The following SLC24A2 variants were observed in gnomAD, a reference collection of about 807,000 sequenced individuals.
SLC24A2 encodes sodium/potassium/calcium exchanger 2.
Under a neutral mutation model 62.0 loss-of-function variants are expected in SLC24A2, and 36 were observed. The ratio of observed to expected loss-of-function variants is 0.58; its 90% CI spans 0.44 to 0.77. The LOEUF (loss-of-function observed/expected upper bound fraction) is 0.77. SLC24A2 is among the 30% of genes least tolerant of loss of function. The probability of loss-of-function intolerance (pLI) is 0.00; values close to 1 mark genes in which losing one functional copy is unlikely to be tolerated. For synonymous variants in SLC24A2, 358 were observed against 294.0 expected (o/e 1.22, Z -2.23); for missense variants, 846 against 817.9 (o/e 1.03, Z -0.42).
chr9:20,145,507 G>A, the SLC24A2 span, among the ~76,000 whole-genome samples: 1 of 151,940 alleles, frequency 6.6e-6, no homozygotes, highest in African/African-American at 2.4e-5. Context: ...TCCTAAGAAT[G>A]TAAGATTTTC....
At chr9:19,795,653 G>T in the SLC24A2 span, among the ~76,000 whole-genome samples, 5 of 151,842 alleles carry the variant, frequency 3.3e-5, no homozygotes, top group Non-Finnish European at 5.9e-5. Flanking sequence ...TGATTTTGAT[G>T]TTACCTACTA....
the SLC24A2 span, among the ~76,000 whole-genome samples, chr9:19,838,780 A>AC: frequency 6.6e-6 from 1 of 151,978 alleles, no homozygotes; most frequent in South Asian, 2.1e-4. Context: ...AAAAAAAAAA[A>AC]AAAACCCTAG....
chr9:20,001,574 G>A, the SLC24A2 span, among the ~76,000 whole-genome samples: 6 of 152,230 alleles, frequency 3.9e-5, no homozygotes, highest in Middle Eastern at 3.4e-3. Flanking sequence ...GAAAAAAGGC[G>A]TCTCAGTCCA....
intron 2 of SLC24A2, among the ~76,000 whole-genome samples, chr9:19,703,030 T>C (rs905415112): frequency 6.6e-6 from 1 of 152,136 alleles, no homozygotes; most frequent in Non-Finnish European, 1.5e-5. Context: ...TCTATACTGT[T>C]GTTGGGTAAA....
At chr9:20,055,945 T>A in the SLC24A2 span, among the ~76,000 whole-genome samples, 1 of 149,246 alleles carries the variant, frequency 6.7e-6, no homozygotes, top group African/African-American at 2.6e-5. Flanking sequence ...AAAGTTCATG[T>A]TCTTACCGCT....
At chr9:20,008,461 G>C in the SLC24A2 span, among the ~76,000 whole-genome samples, 1 of 152,088 alleles carries the variant, frequency 6.6e-6, no homozygotes, top group Admixed American at 6.6e-5. Context: ...ATTGCTGAAG[G>C]ATAACTGTAT....
At chr9:19,982,915 G>T in the SLC24A2 span, among the ~76,000 whole-genome samples, 1 of 152,010 alleles carries the variant, frequency 6.6e-6, no homozygotes, top group African/African-American at 2.4e-5. Context: ...TAGAATAAGA[G>T]AATAAAACTT....
At chr9:20,301,024 G>C in the SLC24A2 span, among the ~76,000 whole-genome samples, 2 of 152,080 alleles carry the variant, frequency 1.3e-5, no homozygotes, top group Non-Finnish European at 2.9e-5. Flanking sequence ...CCACAAGAAA[G>C]GTCTGGTGAT....
chr9:19,959,409 G>A, the SLC24A2 span, among the ~76,000 whole-genome samples: 2 of 152,274 alleles, frequency 1.3e-5, no homozygotes, highest in African/African-American at 4.8e-5. Flanking sequence ...AGAGTCAAGC[G>A]ATGATCACTC....
the SLC24A2 span, among the ~76,000 whole-genome samples, chr9:19,803,834 A>C: frequency 6.6e-6 from 1 of 152,292 alleles, no homozygotes; most frequent in African/African-American, 2.4e-5. Flanking sequence ...TGAGAAACTA[A>C]AAAGAATTTG....
chr9:20,053,239 T>C, the SLC24A2 span, among the ~76,000 whole-genome samples: 1 of 152,180 alleles, frequency 6.6e-6, no homozygotes, highest in Non-Finnish European at 1.5e-5. Context: ...CCAGCCATCC[T>C]ATAAATAATT....
intron 2 of SLC24A2, among the ~76,000 whole-genome samples, chr9:19,628,830 A>G (rs1233348322): frequency 6.6e-6 from 1 of 152,206 alleles, no homozygotes; most frequent in Non-Finnish European, 1.5e-5. Flanking sequence ...AACTAAAACA[A>G]ACAAACAACT....
chr9:19,643,575 A>T (rs4433227), intron 2 of SLC24A2, among the ~76,000 whole-genome samples: 86,477 of 152,008 alleles, frequency 0.57, 25,147 homozygotes, highest in East Asian at 0.82. Context: ...AAGGGCTTAT[A>T]ACCATAGACA....
the SLC24A2 span, among the ~76,000 whole-genome samples, chr9:20,132,395 G>C: frequency 7.2e-4 from 109 of 152,220 alleles, no homozygotes; most frequent in Non-Finnish European, 1.4e-3. Flanking sequence ...ATCAAGAAAT[G>C]CAAGTAAAAC....
the SLC24A2 span, among the ~76,000 whole-genome samples, chr9:20,276,151 CA>C: frequency 2.0e-5 from 3 of 152,138 alleles, no homozygotes; most frequent in Admixed American, 6.5e-5. Context: ...AGCCTTAACT[CA>C]AAATGTCCAA....
intron 2 of SLC24A2, among the ~76,000 whole-genome samples, chr9:19,693,079 CTTTTA>C (rs1820088073): frequency 6.6e-6 from 1 of 151,978 alleles, no homozygotes; most frequent in Non-Finnish European, 1.5e-5. Context: ...GTTTGTCTAT[CTTTTA>C]TTTATTTACT....
chr9:19,796,349 G>C, the SLC24A2 span, among the ~76,000 whole-genome samples: 206 of 151,730 alleles, frequency 1.4e-3, 1 homozygote, highest in African/African-American at 4.7e-3. Context: ...TCCCCTCACT[G>C]TTTTCAAACA....
chr9:20,254,634 C>G, the SLC24A2 span, among the ~76,000 whole-genome samples: 1 of 152,116 alleles, frequency 6.6e-6, no homozygotes, highest in Non-Finnish European at 1.5e-5. Flanking sequence ...GGTACCTAGA[C>G]TAAGTCCATA....
the SLC24A2 span, among the ~76,000 whole-genome samples, chr9:20,039,330 C>T: frequency 6.6e-6 from 1 of 151,968 alleles, no homozygotes; most frequent in African/African-American, 2.4e-5. Flanking sequence ...ATGAAGACGA[C>T]CTGGAAGCTG....
Sources: allele counts gnomAD v4.1 joint callset (sites outside exome capture counted in the v4.1 genomes callset), GRCh38; gene constraint gnomAD v4.1.1; transcripts MANE v1.5; gene names NCBI Gene and HGNC (gene_info 2026-07-23, HGNC 2026-07-21).